PRCD: variants seen among roughly 807,000 people sequenced by gnomAD.
PRCD encodes the protein photoreceptor disc component.
In PRCD, 12 loss-of-function variants were observed where a neutral mutation model predicts 10.1. That is an observed-to-expected ratio of 1.18 (90% CI 0.76 to 1.92). PRCD has a LOEUF of 1.92. PRCD is among the 40% of genes most tolerant of loss of function. The pLI, the probability that PRCD is intolerant of heterozygous loss-of-function variation, is 0.00. For missense variants in PRCD, 61 were observed against 72.2 expected (o/e 0.84, Z 0.56); for synonymous variants, 31 against 26.2 (o/e 1.18, Z -0.56).
upstream of PRCD, among the ~76,000 whole-genome samples, chr17:76,538,766 C>T (rs2074952639): frequency 6.6e-6 from 1 of 152,202 alleles, no homozygotes; most frequent in African/African-American, 2.4e-5. Flanking sequence ...TGCCCTGCAG[C>T]GGCTGCTCAG....
At chr17:76,534,229 T>A (rs1209978005) in intron 1 of PRCD, among the ~76,000 whole-genome samples, 2 of 149,500 alleles carry the variant, frequency 1.3e-5, no homozygotes, top group East Asian at 4.2e-4. Flanking sequence ...CAGGCTGCAG[T>A]GCACTGGTGC....
chr17:76,550,842 C>T (rs1187800730), intron 1 of PRCD: 1 of 152,202 alleles, frequency 6.6e-6, no homozygotes, highest in East Asian at 1.9e-4. Flanking sequence ...AACACGAACT[C>T]CCATTTATCA....
At chr17:76,549,889 C>T (rs572180145), downstream of PRCD, 1 of 152,290 alleles carries the variant, frequency 6.6e-6, no homozygotes, top group African/African-American at 2.4e-5. Context: ...CAGTGGTTGA[C>T]TGGGGCCGGG....
chr17:76,545,833 G>A, downstream of PRCD: 1 of 174,596 alleles, frequency 5.7e-6, no homozygotes, highest in South Asian at 1.3e-4. Flanking sequence ...GTAGATTCAG[G>A]ACGGCTAGAG....
At chr17:76,537,314 A>C, upstream of PRCD, 2 of 1,374,116 alleles carry the variant, frequency 1.5e-6, no homozygotes. Context: ...GTGGCGCTGG[A>C]GCTCGGACCC....
chr17:76,529,152 G>A (rs1567905438), intron 1 of PRCD: 1 of 984,562 alleles, frequency 1.0e-6, no homozygotes, highest in Non-Finnish European at 1.2e-6. Context: ...GAGAAGTTGG[G>A]CGAGGGCCTT....
downstream of PRCD, among the ~76,000 whole-genome samples, chr17:76,548,620 G>A (rs1159085681): frequency 2.0e-5 from 3 of 152,324 alleles, no homozygotes; most frequent in East Asian, 5.8e-4. Context: ...GCTGGAGTGA[G>A]GACGCAGAGG....
chr17:76,545,650 CACCTCTGT>C, downstream of PRCD: 1 of 310,030 alleles, frequency 3.2e-6, no homozygotes, highest in African/African-American at 2.2e-5. Flanking sequence ...AGTTTCTGAA[CACCTCTGT>C]GCCTCAGTTT....
chr17:76,539,964 T>G (rs2074966125), upstream of PRCD: 4 of 647,602 alleles, frequency 6.2e-6, no homozygotes, highest in Admixed American at 1.0e-4. Flanking sequence ...GTGAGCTTAA[T>G]CAGTCCTCAC....
At position 76,528,877 on chromosome 17, in the gene PRCD, T is replaced by A; in HGVS notation, n.45+1044T>A. 1 of 1,218,308 alleles carries A rather than the reference T, an allele frequency of 8.2e-7. No homozygotes were observed. Among genetic ancestry groups the A allele is most frequent in the Non-Finnish European group, 1.0e-6 (1 of 979,346 alleles). 75.5% of individuals were successfully genotyped at this position (1,218,308 alleles called of 1,614,324 possible). ...ATAATGTCTGTCTTGTGACATAAAC[T>A]GGGTAAAAAAGTGTTTCACAAACTG... On this transcript the variant is annotated intron_variant and non_coding_transcript_variant, in intron 1 of 4. Coordinates refer to the PRCD transcript ENST00000397633. This position sits in a 1 kb window ranked among gnomAD's most constrained non-coding sequence, Gnocchi z 5.8.
rs1203225358 is a variant in PRCD, at chr17:76,533,968, T to C, written n.45+6135T>C. The stretch of plus-strand genomic sequence containing the variant: ...ATCCGATCGCATCACGAGCCCAGGA[T>C]TGGAGGCTGCCATGAGCCATGATGG... On this transcript the variant is annotated intron_variant and non_coding_transcript_variant, in intron 1 of 4. Coordinates refer to the PRCD transcript ENST00000397633. The surrounding 1 kb of genome is among the most constrained non-coding windows in gnomAD (Gnocchi z 4.5). Among the ~76,000 whole-genome samples the C allele has an allele frequency of 6.6e-6, 1 of 151,830 alleles. No homozygotes were observed. Among genetic ancestry groups the C allele is most frequent in the East Asian group, 1.9e-4 (1 of 5,160 alleles).
chr17:76,540,704 C>T lies in PRCD; in HGVS notation c.143+131C>T, dbSNP rs2143146907. 5.7e-6 allele frequency: 5 copies of T among 870,230 alleles called. No individual in the cohort carries two copies. Among genetic ancestry groups the T allele is most frequent in the Non-Finnish European group, 9.4e-6 (5 of 533,452 alleles). The allele number at this position is 870,230 out of a possible 1,614,324, so 53.9% of individuals were successfully genotyped here. A position where few individuals can be genotyped will look rare whatever the true frequency, so the allele number is the denominator to read the frequency against. On this transcript the variant is annotated intron_variant, in intron 2 of 4. Transcript: ENST00000592014. This position sits in a 1 kb window ranked among gnomAD's most constrained non-coding sequence, Gnocchi z 5.0. ...CGTATCCTGGCCCTTGCCCTAAGCA[C>T]CCTGCTCCCTGTCCGCCTGCTGGGC...
rs1216214104 is a variant in PRCD, at chr17:76,530,035, G to A, written n.45+2202G>A. On this transcript the variant is annotated intron_variant and non_coding_transcript_variant, in intron 1 of 4. Transcript: ENST00000397633. This position sits in a 1 kb window ranked among gnomAD's most constrained non-coding sequence, Gnocchi z 6.1. ...CAGGAGCTGTGCCTGTGAACAGAAG[G>A]GCCGGCAGTCTTGGGGGCCCGTGCA... 1.0e-6 allele frequency: 1 copy of A among 985,274 alleles called. No homozygotes were observed. Among genetic ancestry groups the A allele is most frequent in the Non-Finnish European group, 1.2e-6 (1 of 829,920 alleles). 61.0% of individuals were successfully genotyped at this position (985,274 alleles called of 1,614,324 possible).
At position 76,540,413 on chromosome 17, in the gene PRCD, C is replaced by T. The variant is rs999334657; in HGVS notation, c.75-92C>T. On this transcript the variant is annotated intron_variant, in intron 1 of 4. Coordinates refer to ENST00000592014, the MANE Select transcript of PRCD (RefSeq NM_001077620.3). The surrounding 1 kb of genome is among the most constrained non-coding windows in gnomAD (Gnocchi z 5.0). ...TCAAAGGCTCTAGTTGCAGCCTCTACTCCCATAGCCCAATGCGGCCTGGAC... is the reference window on the plus strand; with the variant it reads ...TCAAAGGCTCTAGTTGCAGCCTCTATTCCCATAGCCCAATGCGGCCTGGAC... 5 of 1,424,096 alleles carry T rather than the reference C, an allele frequency of 3.5e-6. No individual in the cohort carries two copies. Among genetic ancestry groups the T allele is most frequent in the Non-Finnish European group, 5.0e-6 (5 of 1,007,804 alleles). The allele number at this position is 1,424,096 out of a possible 1,614,324, so 88.2% of individuals were successfully genotyped here. A position where few individuals can be genotyped will look rare whatever the true frequency, so the allele number is the denominator to read the frequency against.
downstream of PRCD, among the ~76,000 whole-genome samples, chr17:76,549,224 A>G (rs2075083951): frequency 1.3e-5 from 2 of 152,254 alleles, no homozygotes. Context: ...TCCGGAATAC[A>G]TAAAGAACTT....
chr17:76,546,344 G>A (rs1474200005), downstream of PRCD: 1 of 152,200 alleles, frequency 6.6e-6, no homozygotes, highest in Non-Finnish European at 1.5e-5. The surrounding 1 kb of genome is among the most constrained non-coding windows in gnomAD (Gnocchi z 4.5). Flanking sequence ...TGGGAGCCAG[G>A]GAAGTAGCCA....
At chr17:76,541,649 C>G (rs1043770657) in intron 2 of PRCD, among the ~76,000 whole-genome samples, 1 of 152,192 alleles carries the variant, frequency 6.6e-6, no homozygotes, top group Non-Finnish European at 1.5e-5. Context: ...ACTCGATAGG[C>G]CAGCTGGCAT....
At position 76,544,139 on chromosome 17, in the gene PRCD, G is replaced by A; in HGVS notation, c.*489G>A. On this transcript the variant is annotated 3_prime_UTR_variant, in exon 5 of 5. Transcript: ENST00000592014. ...TCCGCTTCTGCTCCCAGATCCAGGA[G>A]CAGACCCTGCAGGCAGCTGCTCCTG... is the stretch of plus-strand genomic sequence containing the variant. 2.2e-6 allele frequency: 1 copy of A among 454,590 alleles called. No homozygotes were observed. Among genetic ancestry groups the A allele is most frequent in the Non-Finnish European group, 4.4e-6 (1 of 226,884 alleles). The allele number at this position is 454,590 out of a possible 1,614,324, so 28.2% of individuals were successfully genotyped here. A position where few individuals can be genotyped will look rare whatever the true frequency, so the allele number is the denominator to read the frequency against.
rs1491548595 is a variant in PRCD at position 76,534,145 on chromosome 17, T to TC, written n.45+6312_45+6313insC. The stretch of plus-strand genomic sequence containing the variant: ...TTCTTTCTTTCTCTCTCTCTTTCTC[T>TC]TTCTCTCTCTCTCTCTCTCTCTCTC... On this transcript the variant is annotated intron_variant and non_coding_transcript_variant, in intron 1 of 4. Coordinates refer to the PRCD transcript ENST00000397633. Among the ~76,000 whole-genome samples, 432 of 107,488 alleles carry TC rather than the reference T, an allele frequency of 4.0e-3. 2 individuals carry two copies. The highest frequency in any genetic ancestry group is 6.2e-3 in the South Asian group (20 of 3,212). The allele number at this position is 107,488 out of a possible 152,430, so 70.5% of individuals were successfully genotyped here. A position where few individuals can be genotyped will look rare whatever the true frequency, so the allele number is the denominator to read the frequency against.
Sources: gnomAD v4.1 joint callset for allele counts (sites outside exome capture counted in the v4.1 genomes callset) on GRCh38, gnomAD v4.1.1 for gene constraint, Gnocchi (gnomAD v3.1) non-coding constraint, MANE v1.5 for transcripts, NCBI Gene and HGNC (gene_info 2026-07-23, HGNC 2026-07-21) for gene names.